The following TTC21A variants were observed in gnomAD, a reference collection of about 807,000 sequenced individuals.
The protein encoded by TTC21A is tetratricopeptide repeat domain 21A, also known as tetratricopeptide repeat protein 21A.
Under a neutral mutation model 156.4 loss-of-function variants are expected in TTC21A, and 128 were observed. The ratio of observed to expected loss-of-function variants is 0.82; its 90% CI spans 0.71 to 0.95. TTC21A has a LOEUF of 0.95. Among genes scored for constraint, TTC21A ranks in the 40% least tolerant of loss-of-function variants. TTC21A has a pLI of 0.00. For synonymous variants in TTC21A, 587 were observed against 617.1 expected (o/e 0.95, Z 0.72); for missense variants, 1,435 against 1,602.3 (o/e 0.90, Z 1.78).
chr3:39,119,653 GA>G (rs751803481), intron 7 of TTC21A: 1,702 of 222,062 alleles, frequency 7.7e-3, no homozygotes, highest in East Asian at 0.012. Context: ...AGAAAAAAAA[GA>G]AAAAAAAAAA....
At chr3:39,114,562 C>T (rs1035995005) in intron 5 of TTC21A, 23 bp from the exon 6 acceptor site, 20 of 1,613,006 alleles carry the variant, frequency 1.2e-5, no homozygotes, top group African/African-American at 6.7e-5. Context: ...TTCACGGAGG[C>T]TCTTCTGTCT....
Position 39,130,819 on chromosome 3 carries a change from A to G in TTC21A, c.2438A>G (p.Gln813Arg). ...AATAAAGCAGAAAAAGTTTTGAAGC[A>G]GGCACTGGAACATGACATTGGTGAG... ...KVNKAEKVLKQALEHDIVQDI... is the reference protein window; with the variant it reads ...KVNKAEKVLKRALEHDIVQDI... The change falls in exon 18 of 29, where the codon CAG (glutamine) becomes CGG (arginine). Residue 813 changes from glutamine to arginine, a missense_variant. Coordinates refer to ENST00000683103, the MANE Select transcript of TTC21A (RefSeq NM_001366900.1). The surrounding 1 kb of genome is among the most constrained non-coding windows in gnomAD (Gnocchi z 4.5). 1 of 1,614,216 alleles carries G rather than the reference A, an allele frequency of 6.2e-7. No individual in the cohort carries two copies. The highest frequency in any genetic ancestry group is 1.3e-5 in the African/African-American group (1 of 75,060).
chr3:39,123,499 A>T (rs2037945597), intron 9 of TTC21A, among the ~76,000 whole-genome samples: 1 of 152,212 alleles, frequency 6.6e-6, no homozygotes. Flanking sequence ...TCCTAGTTGG[A>T]TACCCTGCTA....
Position 39,138,817 on chromosome 3 carries a change from A to G in TTC21A, c.*29A>G. 1 of 1,594,504 alleles carries G rather than the reference A, an allele frequency of 6.3e-7. No homozygotes were observed. Among genetic ancestry groups the G allele is most frequent in the Non-Finnish European group, 8.6e-7 (1 of 1,163,624 alleles). ...GGGTCAAGGGGCCTGGACCAGTAGA[A>G]GCCATCAACCTACTGAAGTTGTGTG... On this transcript the variant is annotated 3_prime_UTR_variant, in exon 29 of 29. Coordinates refer to ENST00000683103, the MANE Select transcript of TTC21A (RefSeq NM_001366900.1).
At position 39,137,563 on chromosome 3, in the gene TTC21A, G is replaced by C; in HGVS notation, c.3528G>C (p.Gln1176His). Residue 1176 changes from glutamine (Q) to histidine (H), a missense_variant, in exon 26 of 29, where the codon CAG becomes CAC. Physicochemically the swap from Gln to His is conservative, Grantham distance 24. Transcript: ENST00000683103. ...FLKQIPKARM[Q>H]LKRLAKTPWV... is the part of the protein sequence containing the mutation. ...AGCAGATCCCCAAGGCGCGTATGCAGTTGAAGCGCCTGGCCAAGACCCCCT... is the reference window on the plus strand; with the variant it reads ...AGCAGATCCCCAAGGCGCGTATGCACTTGAAGCGCCTGGCCAAGACCCCCT... The C allele has an allele frequency of 6.2e-7, 1 of 1,614,270 alleles. No individual in the cohort carries two copies. Among genetic ancestry groups the C allele is most frequent in the Non-Finnish European group, 8.5e-7 (1 of 1,180,054 alleles).
intron 5 of TTC21A, 111 bp from the exon 6 acceptor site, chr3:39,114,474 T>C: frequency 9.5e-7 from 1 of 1,056,408 alleles, no homozygotes; most frequent in Non-Finnish European, 1.4e-6. Flanking sequence ...ACGGTGCCCA[T>C]GTGTCAGGTT....
intron 24 of TTC21A, 63 bp downstream of exon 24, chr3:39,137,123 G>A: frequency 6.2e-7 from 1 of 1,601,338 alleles, no homozygotes; most frequent in Non-Finnish European, 8.5e-7. Context: ...GCAACCTCTG[G>A]GTTGAAGCCA....
rs2039015380 is a variant in TTC21A, at chr3:39,135,109, T to A, written c.2879T>A (p.Met960Lys). 3.1e-6 allele frequency: 5 copies of A among 1,614,114 alleles called. No individual in the cohort carries two copies. In the East Asian group the frequency reaches 1.1e-4, roughly 36 times the overall value. Residue 960 changes from methionine (M) to lysine (K), a missense_variant, in exon 22 of 29, where the codon ATG becomes AAG. Met to Lys is a moderately conservative substitution (Grantham distance 95). Coordinates refer to ENST00000683103, the MANE Select transcript of TTC21A (RefSeq NM_001366900.1). ...ETASVLMADL[M>K]FRKQKHEAAI... ...TTCTGATAGTTGATGGCTGACCTGA[T>A]GTTTAGAAAACAGAAACATGAAGCG...
chr3:39,110,869 A>C lies in TTC21A; in HGVS notation c.287A>C (p.Glu96Ala), dbSNP rs2036764184. 1.9e-6 allele frequency: 3 copies of C among 1,613,934 alleles called. No individual in the cohort carries two copies. The South Asian group carries it at 3.3e-5, about 18-fold the overall frequency. The change falls in exon 4 of 29, where the codon GAG becomes GCG. Residue 96 changes from glutamate (E) to alanine (A), a missense_variant. Physicochemically the swap from Glu to Ala is moderately radical, Grantham distance 107 (BLOSUM62 -1). Coordinates refer to ENST00000683103, the MANE Select transcript of TTC21A (RefSeq NM_001366900.1). ...TTTACAGACCGAGAAGCAATTCAGG[A>C]GCTTGAGTACAGCCTGAAGGAAATA... ...CEIIDREAIQ[E>A]LEYSLKEIRK...
intron 7 of TTC21A, chr3:39,118,814 A>T (rs2037504016): frequency 6.5e-6 from 1 of 152,888 alleles, no homozygotes; most frequent in African/African-American, 2.4e-5. Context: ...TCAGTGAAAT[A>T]TATTGCCTCT....
chr3:39,136,574 C>A, intron 23 of TTC21A, 67 bp downstream of exon 23: 1 of 1,549,050 alleles, frequency 6.5e-7, no homozygotes, highest in Non-Finnish European at 8.8e-7. Context: ...ATAGGCTAGG[C>A]CCTTGCTCTG....
intron 3 of TTC21A, 124 bp downstream of exon 3, chr3:39,110,263 G>A (rs1250372948): frequency 4.0e-6 from 3 of 752,158 alleles, no homozygotes; most frequent in Non-Finnish European, 7.0e-6. Flanking sequence ...TGCAGATGCT[G>A]TTAACCAGTG....
At chr3:39,125,037 T>C (rs758557954) in intron 9 of TTC21A, 26 bp from the exon 10 acceptor site, 1 of 1,459,520 alleles carries the variant, frequency 6.9e-7, no homozygotes, top group Non-Finnish European at 9.6e-7. Flanking sequence ...TGTTAGCTGC[T>C]CATCATTGTT....
Position 39,134,947 on chromosome 3 carries a change from T to C in TTC21A, c.2863-146T>C. 1.5e-6 allele frequency: 1 copy of C among 688,826 alleles called. No homozygotes were observed. The highest frequency in any genetic ancestry group is 2.3e-5 in the Admixed American group (1 of 42,594). The allele number at this position is 688,826 out of a possible 1,614,324, so 42.7% of individuals were successfully genotyped here. A position where few individuals can be genotyped will look rare whatever the true frequency, so the allele number is the denominator to read the frequency against. ...ACCCTCAGGCTTCTCCTGTGGCAGC[T>C]TCTCACAAGGCCTAGGGAGGCTGCC... On this transcript the variant is annotated intron_variant, in intron 21 of 28. Coordinates refer to ENST00000683103, the MANE Select transcript of TTC21A (RefSeq NM_001366900.1). This position sits in a 1 kb window ranked among gnomAD's most constrained non-coding sequence, Gnocchi z 4.6.
intron 11 of TTC21A, among the ~76,000 whole-genome samples, chr3:39,125,783 T>C (rs1370521118): frequency 6.6e-6 from 1 of 152,156 alleles, no homozygotes; most frequent in Non-Finnish European, 1.5e-5. Flanking sequence ...GGCTCCCAAG[T>C]GATATGGATG....
At position 39,112,587 on chromosome 3, in the gene TTC21A, A is replaced by C. The variant is rs964894593; in HGVS notation, c.558+7A>C. The stretch of plus-strand genomic sequence containing the variant: ...GCTGGGGCTGATGGGAAAGGTGGGC[A>C]GTGGAAAAGGGAGAGGTGGAAGTAT... On this transcript the variant is annotated splice_region_variant and intron_variant, in intron 5 of 28. Coordinates refer to ENST00000683103, the MANE Select transcript of TTC21A (RefSeq NM_001366900.1). 6.2e-7 allele frequency: 1 copy of C among 1,613,844 alleles called. No individual in the cohort carries two copies. The highest frequency in any genetic ancestry group is 8.5e-7 in the Non-Finnish European group (1 of 1,179,942).
rs770453016 is a variant in TTC21A at position 39,137,191 on chromosome 3, G to A, written c.3258-4G>A. 6.2e-7 allele frequency: 1 copy of A among 1,611,242 alleles called. No homozygotes were observed. The highest frequency in any genetic ancestry group is 8.5e-7 in the Non-Finnish European group (1 of 1,178,058). ...TGTCTGATACCCAGGTCTAACACCT[G>A]CAGCTACATGGAGAAGAAGGAGTTG... On this transcript the variant is annotated splice_region_variant and splice_polypyrimidine_tract_variant and intron_variant, in intron 24 of 28. Transcript: ENST00000683103.
At chr3:39,126,474 C>CCA (rs2038253855) in intron 12 of TTC21A, 84 bp downstream of exon 12, 1 of 815,150 alleles carries the variant, frequency 1.2e-6, no homozygotes, top group Non-Finnish European at 1.9e-6. Context: ...GCCTAGGATA[C>CCA]TACACACACA....
intron 5 of TTC21A, among the ~76,000 whole-genome samples, chr3:39,113,888 G>A (rs6800630): frequency 0.087 from 13,267 of 152,252 alleles, 749 homozygotes; most frequent in Admixed American, 0.14. Flanking sequence ...TTCATTATAC[G>A]GAATAATCCT....
Sources: allele counts gnomAD v4.1 joint callset (sites outside exome capture counted in the v4.1 genomes callset), GRCh38; gene constraint gnomAD v4.1.1; non-coding constraint Gnocchi (gnomAD v3.1); transcripts MANE v1.5; gene names NCBI Gene and HGNC (gene_info 2026-07-23, HGNC 2026-07-21).